EPB41L3: variants seen among roughly 807,000 people sequenced by gnomAD.
The protein encoded by EPB41L3 is band 4.1-like protein 3.
In EPB41L3, 57 loss-of-function variants were observed where a neutral mutation model predicts 127.1. That is an observed-to-expected ratio of 0.45 (90% confidence interval 0.36 to 0.56). The LOEUF is 0.56. EPB41L3 is among the 20% of genes least tolerant of loss of function. EPB41L3 has a pLI of 0.00. For missense variants in EPB41L3, 1,273 were observed against 1,372.2 expected (o/e 0.93, Z 1.14); for synonymous variants, 572 against 549.5 (o/e 1.04, Z -0.57).
intron 8 of EPB41L3, among the ~76,000 whole-genome samples, chr18:5,432,937 G>C (rs1367427013): frequency 6.6e-6 from 1 of 152,206 alleles, no homozygotes; most frequent in Non-Finnish European, 1.5e-5. Context: ...TGACTGCCTG[G>C]TATGTATGAA....
chr18:5,429,902 G>T (rs1056272618), intron 8 of EPB41L3, among the ~76,000 whole-genome samples: 1 of 152,042 alleles, frequency 6.6e-6, no homozygotes, highest in Non-Finnish European at 1.5e-5. Context: ...ATCTGTCTGC[G>T]CCACCACTCA....
chr18:5,515,935 G>A (rs1239058485), intron 1 of EPB41L3, among the ~76,000 whole-genome samples: 1 of 152,192 alleles, frequency 6.6e-6, no homozygotes, highest in African/African-American at 2.4e-5. Flanking sequence ...TGTGCACACA[G>A]ATCCTCCTCA....
At chr18:5,393,615 A>C in intron 22 of EPB41L3, 137 bp from the exon 23 acceptor site, 1 of 560,664 alleles carries the variant, frequency 1.8e-6, no homozygotes, top group East Asian at 3.1e-5. Flanking sequence ...GCGTTAAGTC[A>C]CTGCCAATTA....
chr18:5,616,887 C>G (rs2094801231), intron 1 of EPB41L3, among the ~76,000 whole-genome samples: 1 of 152,128 alleles, frequency 6.6e-6, no homozygotes, highest in Admixed American at 6.6e-5. Flanking sequence ...CTTCTCTTGT[C>G]CATAGACATT....
intron 14 of EPB41L3, among the ~76,000 whole-genome samples, chr18:5,408,273 C>CTTT (rs1208956534): frequency 0.029 from 1,480 of 50,408 alleles, 44 homozygotes; most frequent in African/African-American, 0.046. Context: ...TTTCTTTTTT[C>CTTT]TTTTTTTTTT....
intron 3 of EPB41L3, among the ~76,000 whole-genome samples, chr18:5,453,884 CA>C (rs775504102): frequency 3.7e-4 from 57 of 152,162 alleles, no homozygotes; most frequent in Non-Finnish European, 7.3e-4. Context: ...ACGAATCTAA[CA>C]AAATGTCATC....
intron 1 of EPB41L3, among the ~76,000 whole-genome samples, chr18:5,533,130 A>G (rs984149383): frequency 2.6e-5 from 4 of 152,162 alleles, no homozygotes; most frequent in African/African-American, 9.7e-5. Context: ...TTTGATGACA[A>G]CTGGGGGAGG....
chr18:5,420,778 C>A (rs1041557867), intron 11 of EPB41L3, among the ~76,000 whole-genome samples: 1 of 152,114 alleles, frequency 6.6e-6, no homozygotes, highest in African/African-American at 2.4e-5. Flanking sequence ...ATAAATGTTG[C>A]TTTTCAAATA....
intron 3 of EPB41L3, among the ~76,000 whole-genome samples, chr18:5,453,962 C>T (rs887650989): frequency 1.3e-5 from 2 of 152,122 alleles, no homozygotes; most frequent in Non-Finnish European, 1.5e-5. Flanking sequence ...ATTTTCCTCA[C>T]ATTTAAAGGT....
Position 5,392,738 on chromosome 18 carries a change from G to A in EPB41L3, c.*747C>T, listed in dbSNP as rs2072614682. On this transcript the variant is annotated 3_prime_UTR_variant, in exon 23 of 23. Transcript: ENST00000341928. Reference sequence around the variant, plus strand: ...ATATTGTAAACTAACAAAAATACAGGTTTTCTTCCCAAAATAATGACAATT... The same window carrying A: ...ATATTGTAAACTAACAAAAATACAGATTTTCTTCCCAAAATAATGACAATT... 1 of 152,332 alleles carries A rather than the reference G, an allele frequency of 6.6e-6. No homozygotes were observed. The highest frequency in any genetic ancestry group is 1.5e-5 in the Non-Finnish European group (1 of 68,012). The allele number at this position is 152,332 out of a possible 1,614,324, so 9.4% of individuals were successfully genotyped here.
At chr18:5,588,554 T>C (rs2094459755) in intron 3 of EPB41L3, among the ~76,000 whole-genome samples, 1 of 151,652 alleles carries the variant, frequency 6.6e-6, no homozygotes, top group Admixed American at 6.6e-5. Flanking sequence ...TATATACACA[T>C]AAATCTTGAG....
chr18:5,553,468 C>A (rs757597448), intron 3 of EPB41L3, among the ~76,000 whole-genome samples: 1 of 152,156 alleles, frequency 6.6e-6, no homozygotes, highest in African/African-American at 2.4e-5. Flanking sequence ...TGCCCCTACA[C>A]AATTACATAA....
rs371321578 is a variant in EPB41L3 at position 5,423,368 on chromosome 18, C to A, written c.1339+10G>T. On this transcript the variant is annotated intron_variant, in intron 11 of 22. Coordinates refer to ENST00000341928, the MANE Select transcript of EPB41L3 (RefSeq NM_012307.5). ...TACTAGGTTATTAAGGGCCAGTAAG[C>A]GATGCCTACCTCCATCCAAGCTGCG... 6.3e-7 allele frequency: 1 copy of A among 1,591,418 alleles called. No individual in the cohort carries two copies. Among genetic ancestry groups the A allele is most frequent in the Non-Finnish European group, 8.6e-7 (1 of 1,164,566 alleles).
intron 13 of EPB41L3, among the ~76,000 whole-genome samples, chr18:5,414,163 T>C (rs2076518535): frequency 6.6e-6 from 1 of 152,228 alleles, no homozygotes; most frequent in African/African-American, 2.4e-5. Context: ...AACATTGTAT[T>C]TGTAGACAAT....
At chr18:5,473,161 C>T (rs1456315266) in intron 3 of EPB41L3, among the ~76,000 whole-genome samples, 1 of 152,136 alleles carries the variant, frequency 6.6e-6, no homozygotes, top group Non-Finnish European at 1.5e-5. Flanking sequence ...AAATCTCTCT[C>T]CAGTGTGGCC....
At chr18:5,479,094 A>G (rs7238186) in intron 2 of EPB41L3, among the ~76,000 whole-genome samples, 34,239 of 152,264 alleles carry the variant, frequency 0.22, 4,087 homozygotes, top group Middle Eastern at 0.28. Flanking sequence ...CTTTCAAACC[A>G]TAACAGACTA....
intron 9 of EPB41L3, among the ~76,000 whole-genome samples, chr18:5,424,923 T>A (rs1253526642): frequency 2.0e-5 from 3 of 152,226 alleles, no homozygotes; most frequent in Non-Finnish European, 4.4e-5. Flanking sequence ...CGTCTCTCTA[T>A]ATCATACGTA....
At chr18:5,401,590 C>T (rs1003253653) in intron 16 of EPB41L3, among the ~76,000 whole-genome samples, 4 of 151,858 alleles carry the variant, frequency 2.6e-5, no homozygotes, top group Non-Finnish European at 5.9e-5. Flanking sequence ...GATTTATTGC[C>T]CACAAATAAA....
chr18:5,590,083 G>C (rs192485762), intron 3 of EPB41L3, among the ~76,000 whole-genome samples: 17 of 152,290 alleles, frequency 1.1e-4, no homozygotes, highest in Admixed American at 9.8e-4. Context: ...AAGGAGGAAG[G>C]AGAAAATGGG....
Sources: gnomAD v4.1 joint callset for allele counts (sites outside exome capture counted in the v4.1 genomes callset) on GRCh38, gnomAD v4.1.1 for gene constraint, MANE v1.5 for transcripts, NCBI Gene and HGNC (gene_info 2026-07-23, HGNC 2026-07-21) for gene names.